ADGRD1: variants seen among roughly 807,000 people sequenced by gnomAD.
ADGRD1 encodes G-protein coupled receptor 133.
ADGRD1 carries 77 observed loss-of-function variants against 113.4 expected under a neutral mutation model. The ratio of observed to expected loss-of-function variants is 0.68; its 90% confidence interval spans 0.57 to 0.82. The LOEUF (loss-of-function observed/expected upper bound fraction) is 0.82, where lower values mean the gene tolerates loss of function less well. ADGRD1 is among the 40% of genes least tolerant of loss of function. The pLI, the probability that ADGRD1 is intolerant of heterozygous loss-of-function variation, is 0.00. For missense variants in ADGRD1, 1,036 were observed against 1,139.1 expected (o/e 0.91, Z 1.30); for synonymous variants, 474 against 475.0 (o/e 1.00, Z 0.03).
chr12:130,991,912 G>A (rs528733332), intron 7 of ADGRD1, among the ~76,000 whole-genome samples: 3 of 152,150 alleles, frequency 2.0e-5, no homozygotes, highest in Non-Finnish European at 2.9e-5. Context: ...CTTGAGGTCC[G>A]GAGCTCGAGA....
intron 15 of ADGRD1, among the ~76,000 whole-genome samples, chr12:131,089,433 T>C (rs1007308681): frequency 2.0e-5 from 3 of 152,198 alleles, no homozygotes; most frequent in African/African-American, 7.2e-5. Flanking sequence ...TGCTGGCTGG[T>C]GATTGTGGCC....
chr12:131,049,551 G>A (rs960726076), intron 13 of ADGRD1, among the ~76,000 whole-genome samples: 1 of 152,168 alleles, frequency 6.6e-6, no homozygotes, highest in Admixed American at 6.5e-5. Context: ...GTGCTCATCC[G>A]TGCACCACCC....
At chr12:130,982,318 C>T (rs574261762) in intron 5 of ADGRD1, among the ~76,000 whole-genome samples, 2 of 152,300 alleles carry the variant, frequency 1.3e-5, no homozygotes, top group South Asian at 2.1e-4. Context: ...CTGTAGGTTA[C>T]CTGACCACAC....
intron 21 of ADGRD1, 38 bp from the exon 22 acceptor site, chr12:131,135,996 CCCT>C (rs1314462013): frequency 3.7e-6 from 6 of 1,611,658 alleles, no homozygotes; most frequent in Middle Eastern, 1.6e-4. Context: ...CCTGCACCTG[CCCT>C]CCTGCCACTC....
chr12:131,096,441 G>A lies in ADGRD1; in HGVS notation c.1672-8390G>A, dbSNP rs34764946. 0.11 allele frequency among the ~76,000 whole-genome samples: 16,146 copies of A among 152,210 alleles called. 915 individuals are homozygous for A. Among genetic ancestry groups the A allele is most frequent in the Middle Eastern group, 0.16 (47 of 294 alleles). On this transcript the variant is annotated intron_variant, in intron 15 of 24. Coordinates refer to ENST00000261654, the MANE Select transcript of ADGRD1 (RefSeq NM_198827.5). The surrounding 1 kb of genome is among the most constrained non-coding windows in gnomAD (Gnocchi z 5.2). Reference sequence around the variant, plus strand: ...AGCACACTTTAAAAAATGTATGCACGTATCTTGGAGGTTGCTCCTTCTCAG... The same window carrying A: ...AGCACACTTTAAAAAATGTATGCACATATCTTGGAGGTTGCTCCTTCTCAG...
chr12:131,082,198 CAT>C (rs997978443), intron 14 of ADGRD1, among the ~76,000 whole-genome samples: 16 of 152,302 alleles, frequency 1.1e-4, no homozygotes, highest in African/African-American at 3.1e-4. Context: ...TGTGGACACA[CAT>C]GTTTTTTACC....
intron 13 of ADGRD1, among the ~76,000 whole-genome samples, chr12:131,033,903 C>G (rs1190793353): frequency 6.6e-6 from 1 of 152,100 alleles, no homozygotes; most frequent in South Asian, 2.1e-4. Flanking sequence ...CACGGCACTC[C>G]TGGCAGGACA....
chr12:131,136,614 A>C (rs1951094277), intron 22 of ADGRD1, among the ~76,000 whole-genome samples: 1 of 152,168 alleles, frequency 6.6e-6, no homozygotes, highest in Admixed American at 6.5e-5. Flanking sequence ...ATCGCCATCC[A>C]TGGCCCTCCC....
intron 15 of ADGRD1, among the ~76,000 whole-genome samples, chr12:131,092,615 G>A (rs1289546770): frequency 1.3e-5 from 2 of 152,150 alleles, no homozygotes; most frequent in Non-Finnish European, 2.9e-5. Flanking sequence ...CCAGGCATGG[G>A]CACCTGCCTT....
At position 130,982,310 on chromosome 12, in the gene ADGRD1, G is replaced by C. The variant is rs563385390; in HGVS notation, c.490+247G>C. Among the ~76,000 whole-genome samples, 5 of 152,344 alleles carry C rather than the reference G, an allele frequency of 3.3e-5. 1 individual carries two copies. In the South Asian group the frequency reaches 1.0e-3, roughly 32 times the overall value. The stretch of plus-strand genomic sequence containing the variant: ...TCTGCCCGTGCACTGTGTGCCTGCT[G>C]TAGGTTACCTGACCACACTGACCTC... On this transcript the variant is annotated intron_variant, in intron 5 of 24. Coordinates refer to ENST00000261654, the MANE Select transcript of ADGRD1 (RefSeq NM_198827.5).
At chr12:131,135,895 C>A in intron 21 of ADGRD1, 142 bp from the exon 22 acceptor site, 1 of 768,388 alleles carries the variant, frequency 1.3e-6, no homozygotes, top group Non-Finnish European at 2.1e-6. Context: ...TCAACCAGGG[C>A]TACCTGCAGG....
intron 13 of ADGRD1, among the ~76,000 whole-genome samples, chr12:131,040,252 G>C (rs1881981087): frequency 6.6e-6 from 1 of 152,228 alleles, no homozygotes; most frequent in Non-Finnish European, 1.5e-5. Context: ...GGAGAAGTCA[G>C]TGGCTTCCTC....
chr12:131,070,355 C>T (rs185283334), intron 13 of ADGRD1: 2 of 154,516 alleles, frequency 1.3e-5, no homozygotes, highest in African/African-American at 4.8e-5. Context: ...CCGCAGCCCC[C>T]GCAAATACCC....
At chr12:130,959,223 CTTG>C (rs1332669285) in intron 2 of ADGRD1, among the ~76,000 whole-genome samples, 1 of 152,212 alleles carries the variant, frequency 6.6e-6, no homozygotes, top group Non-Finnish European at 1.5e-5. Context: ...TTAAGCATTT[CTTG>C]TTTTCTGATT....
At chr12:130,968,820 G>A in intron 3 of ADGRD1, 1 of 602,962 alleles carries the variant, frequency 1.7e-6, no homozygotes, top group Admixed American at 3.0e-5. Flanking sequence ...CAAGGGTGGT[G>A]GAGGCTGGGG....
In ADGRD1 at chr12:131,003,736, G is replaced by A. The variant is rs1171975456; in HGVS notation, c.1144+434G>A. Among the ~76,000 whole-genome samples, 1 of 152,238 alleles carries A rather than the reference G, an allele frequency of 6.6e-6. No homozygotes were observed. The highest frequency in any genetic ancestry group is 1.5e-5 in the Non-Finnish European group (1 of 68,040). ...GATTTTAAAAGTCTTTACCAGGAGT[G>A]CATTATCCTGCTGATACTTCGCTGC... On this transcript the variant is annotated intron_variant, in intron 10 of 24. Transcript: ENST00000261654. This position sits in a 1 kb window ranked among gnomAD's most constrained non-coding sequence, Gnocchi z 4.8.
Position 131,138,163 on chromosome 12 carries a change from C to T in ADGRD1, c.2463C>T (p.Thr821=), listed in dbSNP as rs772074375. The T allele has an allele frequency of 6.2e-7, 1 of 1,613,722 alleles. No individual in the cohort carries two copies. The highest frequency in any genetic ancestry group is 1.7e-5 in the Admixed American group (1 of 60,024). ...SEVRAAFKHK[T]KVWSLTSSSA... is the part of the protein sequence containing the mutation. The stretch of plus-strand genomic sequence containing the variant: ...TGAGAGCCGCCTTCAAGCACAAAAC[C>T]AAGGTCTGGTCGCTCACGAGCAGCT... Residue 821 remains threonine, a synonymous_variant, in exon 24 of 25, where the codon ACC becomes ACT. Transcript: ENST00000261654.
At chr12:131,121,240 G>A (rs1349940400) in intron 20 of ADGRD1, among the ~76,000 whole-genome samples, 2 of 152,274 alleles carry the variant, frequency 1.3e-5, no homozygotes, top group Non-Finnish European at 2.9e-5. Flanking sequence ...CTCACCCACC[G>A]GCTAGCTCCT....
At chr12:130,994,478 G>A (rs566116359) in intron 8 of ADGRD1, among the ~76,000 whole-genome samples, 5 of 152,290 alleles carry the variant, frequency 3.3e-5, no homozygotes, top group South Asian at 4.1e-4. Flanking sequence ...CACAGTCGGC[G>A]CTCAATAAAC....
Sources: gnomAD v4.1 joint callset for allele counts (sites outside exome capture counted in the v4.1 genomes callset) on GRCh38, gnomAD v4.1.1 for gene constraint, Gnocchi (gnomAD v3.1) non-coding constraint, MANE v1.5 for transcripts, NCBI Gene and HGNC (gene_info 2026-07-23, HGNC 2026-07-21) for gene names.